Variants in RAB3IL1 observed in about 807,000 individuals in gnomAD.
RAB3IL1 encodes RAB3A interacting protein like 1.
In RAB3IL1, 37 loss-of-function variants were observed where a neutral mutation model predicts 49.2. The observed-to-expected ratio is 0.75, with a 90% CI of 0.58 to 0.99. The LOEUF (loss-of-function observed/expected upper bound fraction) is 0.99. Among genes scored for constraint, RAB3IL1 ranks in the 50% least tolerant of loss-of-function variants. The pLI is 0.00. For synonymous variants in RAB3IL1, 193 were observed against 213.9 expected, an observed-to-expected ratio of 0.90 and a Z score of 0.85; for missense variants, 484 against 513.0, an observed-to-expected ratio of 0.94 and a Z score of 0.55.
chr11:61,915,564 A>G (rs1939641893), intron 1 of RAB3IL1, among the ~76,000 whole-genome samples: 1 of 152,182 alleles, frequency 6.6e-6, no homozygotes. Context: ...CAGCCGGCAC[A>G]AGACACAGGC....
At chr11:61,929,087 A>G in the RAB3IL1 span, among the ~76,000 whole-genome samples, 7 of 152,244 alleles carry the variant, frequency 4.6e-5, no homozygotes, top group Non-Finnish European at 8.8e-5. Flanking sequence ...CTTTTGACAC[A>G]AGCATACAAT....
the RAB3IL1 span, among the ~76,000 whole-genome samples, chr11:61,935,501 A>G: frequency 1.3e-5 from 2 of 151,804 alleles, no homozygotes; most frequent in African/African-American, 4.8e-5. Flanking sequence ...TAAATCAACT[A>G]TTTTATTGTA....
At chr11:61,927,227 C>G in the RAB3IL1 span, among the ~76,000 whole-genome samples, 5 of 152,130 alleles carry the variant, frequency 3.3e-5, no homozygotes, top group East Asian at 1.9e-4. Context: ...CATGCCCCCC[C>G]CTTAACCTTC....
chr11:61,903,109 G>T (rs1040929436), intron 7 of RAB3IL1, among the ~76,000 whole-genome samples: 3 of 151,914 alleles, frequency 2.0e-5, no homozygotes, highest in African/African-American at 7.3e-5. Flanking sequence ...CCACATGAAG[G>T]GTCTCCACAG....
intron 5 of RAB3IL1, among the ~76,000 whole-genome samples, chr11:61,905,600 G>A (rs1464802854): frequency 6.6e-6 from 1 of 152,160 alleles, no homozygotes; most frequent in Admixed American, 6.5e-5. Context: ...AGACAGAACA[G>A]GAGGAAGGGG....
chr11:61,942,676 A>G, the RAB3IL1 span, among the ~76,000 whole-genome samples: 2 of 152,360 alleles, frequency 1.3e-5, no homozygotes, highest in South Asian at 4.1e-4. Context: ...CAAGATTAAT[A>G]TACAAAAATC....
upstream of RAB3IL1, among the ~76,000 whole-genome samples, chr11:61,919,785 G>A (rs1036414667): frequency 6.6e-6 from 1 of 152,360 alleles, no homozygotes; most frequent in East Asian, 1.9e-4. Flanking sequence ...GAAGGCAGCT[G>A]AGGAGCAGGA....
At chr11:61,924,872 G>T (rs1429253090), upstream of RAB3IL1, among the ~76,000 whole-genome samples, 1 of 152,150 alleles carries the variant, frequency 6.6e-6, no homozygotes, top group African/African-American at 2.4e-5. Flanking sequence ...GATGAAACCT[G>T]TTCACCCGCT....
the RAB3IL1 span, among the ~76,000 whole-genome samples, chr11:61,936,899 A>G: frequency 6.6e-6 from 1 of 152,220 alleles, no homozygotes; most frequent in African/African-American, 2.4e-5. Context: ...CAGATAAACT[A>G]AAGTCGAGAG....
At chr11:61,908,375 AC>A in intron 1 of RAB3IL1, 69 bp from the exon 2 acceptor site, 1 of 1,339,542 alleles carries the variant, frequency 7.5e-7, no homozygotes, top group Non-Finnish European at 9.6e-7. Context: ...GAGTCCAGAA[AC>A]CGCCCCGGGG....
the RAB3IL1 span, among the ~76,000 whole-genome samples, chr11:61,944,314 A>C: frequency 7.6e-6 from 1 of 132,366 alleles, no homozygotes; most frequent in Non-Finnish European, 1.6e-5. Flanking sequence ...CCTAGTCTGG[A>C]CTGCAGTTCT....
In RAB3IL1 at chr11:61,906,348, G is replaced by A. The variant is rs1369875516; in HGVS notation, c.657+118C>T. On this transcript the variant is annotated intron_variant, in intron 5 of 9. Coordinates refer to ENST00000394836, the MANE Select transcript of RAB3IL1 (RefSeq NM_013401.4). This position sits in a 1 kb window ranked among gnomAD's most constrained non-coding sequence, Gnocchi z 4.6. The stretch of plus-strand genomic sequence containing the variant: ...CCCAGCCCTCACATCCCAGAGAGGC[G>A]CAGGACAGGCTCCAGGTCACACAGC... The A allele has an allele frequency of 2.1e-5, 20 of 945,430 alleles. No individual in the cohort carries two copies. The highest frequency in any genetic ancestry group is 1.0e-4 in the East Asian group (4 of 38,142). The allele number at this position is 945,430 out of a possible 1,614,324, so 58.6% of individuals were successfully genotyped here.
At chr11:61,924,643 G>A (rs1424981969), upstream of RAB3IL1, among the ~76,000 whole-genome samples, 1 of 152,170 alleles carries the variant, frequency 6.6e-6, no homozygotes, top group Non-Finnish European at 1.5e-5. Flanking sequence ...CTTAAACCTG[G>A]GAGGATTATC....
chr11:61,915,018 G>T (rs1355412859), intron 1 of RAB3IL1, among the ~76,000 whole-genome samples: 2 of 152,238 alleles, frequency 1.3e-5, no homozygotes, highest in East Asian at 1.9e-4. Context: ...TAGCAGCTTG[G>T]CCCCTGACTC....
At chr11:61,923,290 C>T (rs1004092776), upstream of RAB3IL1, among the ~76,000 whole-genome samples, 1 of 152,238 alleles carries the variant, frequency 6.6e-6, no homozygotes, top group Non-Finnish European at 1.5e-5. Context: ...TCCAGGGTCA[C>T]TTGTGAGTCA....
intron 1 of RAB3IL1, among the ~76,000 whole-genome samples, chr11:61,910,290 G>A (rs1939402853): frequency 6.6e-6 from 1 of 152,246 alleles, no homozygotes; most frequent in South Asian, 2.1e-4. Context: ...GAGACTCGGA[G>A]GCTCCTCTTT....
At chr11:61,939,722 G>A in the RAB3IL1 span, among the ~76,000 whole-genome samples, 10 of 151,954 alleles carry the variant, frequency 6.6e-5, no homozygotes, top group Non-Finnish European at 1.2e-4. Flanking sequence ...AGGCCAGTGC[G>A]GGGGAATTGT....
chr11:61,904,117 T>C (rs1231432320), intron 7 of RAB3IL1, among the ~76,000 whole-genome samples: 1 of 151,812 alleles, frequency 6.6e-6, no homozygotes, highest in Non-Finnish European at 1.5e-5. Flanking sequence ...GCACCAGCCA[T>C]CCCCAGCCAG....
chr11:61,944,041 A>G, the RAB3IL1 span, among the ~76,000 whole-genome samples: 1 of 152,144 alleles, frequency 6.6e-6, no homozygotes, highest in Non-Finnish European at 1.5e-5. Context: ...ATAGTTGTAT[A>G]AAGCAGGCAT....
Sources: gnomAD v4.1 joint callset for allele counts (sites outside exome capture counted in the v4.1 genomes callset) on GRCh38, gnomAD v4.1.1 for gene constraint, Gnocchi (gnomAD v3.1) non-coding constraint, MANE v1.5 for transcripts, NCBI Gene and HGNC (gene_info 2026-07-23, HGNC 2026-07-21) for gene names.